The following MECOM variants were observed in gnomAD, a reference collection of about 807,000 sequenced individuals.
MECOM encodes histone-lysine N-methyltransferase MECOM.
A neutral mutation model predicts 116.3 loss-of-function variants in MECOM; 13 were observed. That is an observed-to-expected ratio of 0.11 (90% CI 0.07 to 0.18). The LOEUF (loss-of-function observed/expected upper bound fraction) is 0.18, where lower values mean the gene tolerates loss of function less well. MECOM is among the 10% of genes least tolerant of loss of function. The pLI is 1.00. For synonymous variants in MECOM, 528 were observed against 535.2 expected (o/e 0.99, Z 0.19); for missense variants, 1,299 against 1,509.0 (o/e 0.86, Z 2.31).
rs1776617258 is a variant in MECOM, at chr3:169,663,528, CT to C, written c.-157del. On this transcript the variant is annotated 5_prime_UTR_variant, in exon 1 of 17. Coordinates refer to ENST00000651503, the MANE Select transcript of MECOM (RefSeq NM_004991.4). ...TCTCTCTCTCTCTCTCTCTCTCTCT[CT>C]CCCTCCCTCCTGTTTCTCTCCTGTT... 8.2e-6 allele frequency: 5 copies of C among 611,570 alleles called. No individual in the cohort carries two copies. Among genetic ancestry groups the C allele is most frequent in the Admixed American group, 2.9e-5 (1 of 34,260 alleles). The allele number at this position is 611,570 out of a possible 1,614,324, so 37.9% of individuals were successfully genotyped here.
At chr3:169,602,029 C>T (rs1306356127) in intron 1 of MECOM, among the ~76,000 whole-genome samples, 2 of 152,102 alleles carry the variant, frequency 1.3e-5, no homozygotes, top group African/African-American at 4.8e-5. Flanking sequence ...CATTAATTAC[C>T]ACGTATGGGG....
At chr3:169,418,457 T>C (rs1429002664) in intron 1 of MECOM, among the ~76,000 whole-genome samples, 3 of 152,024 alleles carry the variant, frequency 2.0e-5, no homozygotes, top group African/African-American at 7.3e-5. Flanking sequence ...AAAACAAAAT[T>C]TCAGGCCAAT....
At chr3:169,201,919 C>A (rs1299611359) in intron 2 of MECOM, among the ~76,000 whole-genome samples, 1 of 152,026 alleles carries the variant, frequency 6.6e-6, no homozygotes. Context: ...TCTATGTGGT[C>A]ACCCACAGCC....
At chr3:169,205,390 A>G (rs1396261335) in intron 2 of MECOM, among the ~76,000 whole-genome samples, 3 of 152,192 alleles carry the variant, frequency 2.0e-5, no homozygotes, top group Non-Finnish European at 4.4e-5. Context: ...CAATTTATGC[A>G]TGAGTAGAAA....
At chr3:169,332,920 A>G (rs893829371) in intron 2 of MECOM, among the ~76,000 whole-genome samples, 3 of 152,200 alleles carry the variant, frequency 2.0e-5, no homozygotes, top group Non-Finnish European at 2.9e-5. Flanking sequence ...GGAAAAATTT[A>G]GTAAGGAATG....
chr3:169,560,201 G>A (rs1306055210), intron 1 of MECOM, among the ~76,000 whole-genome samples: 2 of 152,296 alleles, frequency 1.3e-5, no homozygotes, highest in East Asian at 3.9e-4. Context: ...AAGCTTGTAA[G>A]TGTTATGCTT....
chr3:169,120,787 G>A, intron 7 of MECOM: 1 of 272,480 alleles, frequency 3.7e-6, no homozygotes, highest in Admixed American at 5.3e-5. Flanking sequence ...ACAACCTGTG[G>A]AGGTTTCCCT....
At chr3:169,172,890 T>C (rs539109915) in intron 2 of MECOM, among the ~76,000 whole-genome samples, 3 of 152,298 alleles carry the variant, frequency 2.0e-5, no homozygotes, top group South Asian at 2.1e-4. Context: ...GCTTGTCTTA[T>C]TGGATTCTCG....
At chr3:169,514,300 C>CAA (rs59456802) in intron 1 of MECOM, among the ~76,000 whole-genome samples, 33 of 148,668 alleles carry the variant, frequency 2.2e-4, no homozygotes, top group East Asian at 7.9e-4. Flanking sequence ...AGCACAGAGT[C>CAA]AAAAAAAAAA....
At chr3:169,193,024 T>G (rs1029822315) in intron 2 of MECOM, among the ~76,000 whole-genome samples, 1 of 151,904 alleles carries the variant, frequency 6.6e-6, no homozygotes, top group East Asian at 1.9e-4. Flanking sequence ...AGGGGTAATA[T>G]CGAAATGACA....
chr3:169,521,817 TCAAA>T (rs1243610708), intron 1 of MECOM, among the ~76,000 whole-genome samples: 4 of 152,206 alleles, frequency 2.6e-5, no homozygotes, highest in African/African-American at 9.6e-5. Flanking sequence ...ATCTGTGGAT[TCAAA>T]CAACCACAGG....
intron 1 of MECOM, among the ~76,000 whole-genome samples, chr3:169,513,762 T>A (rs1335987718): frequency 6.6e-6 from 1 of 152,252 alleles, no homozygotes; most frequent in Admixed American, 6.5e-5. Flanking sequence ...AATAATCATC[T>A]GTTATCTGGG....
At chr3:169,358,348 G>A (rs539947322) in intron 2 of MECOM, among the ~76,000 whole-genome samples, 1 of 151,744 alleles carries the variant, frequency 6.6e-6, no homozygotes, top group African/African-American at 2.4e-5. Context: ...TTAAATAGAG[G>A]TTTCCATTCT....
At chr3:169,594,178 A>AAAAAACCCCTT (rs1553894686) in intron 1 of MECOM, among the ~76,000 whole-genome samples, 1 of 138,598 alleles carries the variant, frequency 7.2e-6, no homozygotes, top group Non-Finnish European at 1.6e-5. Context: ...AAAAAAAAAC[A>AAAAAACCCCTT]CCTTTTCACC....
chr3:169,191,541 G>A (rs1747547539), intron 2 of MECOM, among the ~76,000 whole-genome samples: 1 of 151,354 alleles, frequency 6.6e-6, no homozygotes, highest in Non-Finnish European at 1.5e-5. Flanking sequence ...GTTTTTGGTA[G>A]AGGGAGGAGA....
At chr3:169,546,974 A>G (rs1760794707) in intron 1 of MECOM, among the ~76,000 whole-genome samples, 1 of 152,188 alleles carries the variant, frequency 6.6e-6, no homozygotes, top group Non-Finnish European at 1.5e-5. Flanking sequence ...ATTTTTTATA[A>G]AGGCAGAAAA....
intron 6 of MECOM, 63 bp from the exon 7 acceptor site, chr3:169,121,272 C>T (rs770509051): frequency 6.1e-6 from 9 of 1,469,306 alleles, no homozygotes; most frequent in African/African-American, 2.9e-5. Context: ...AAAGAAGACC[C>T]GGGATGACTC....
intron 1 of MECOM, among the ~76,000 whole-genome samples, chr3:169,434,076 T>A (rs561632984): frequency 1.3e-5 from 2 of 152,326 alleles, no homozygotes; most frequent in African/African-American, 4.8e-5. Flanking sequence ...TTAATATTTT[T>A]CAAATTTAGT....
chr3:169,408,582 T>C (rs1737072673), intron 1 of MECOM, among the ~76,000 whole-genome samples: 1 of 152,248 alleles, frequency 6.6e-6, no homozygotes, highest in South Asian at 2.1e-4. Flanking sequence ...TTGATTTTTT[T>C]AGATGTGTTC....
Sources: allele counts gnomAD v4.1 joint callset (sites outside exome capture counted in the v4.1 genomes callset), GRCh38; gene constraint gnomAD v4.1.1; transcripts MANE v1.5; gene names NCBI Gene and HGNC (gene_info 2026-07-23, HGNC 2026-07-21).